Variants in WDPCP observed in about 807,000 individuals in gnomAD.
The protein encoded by WDPCP is WD repeat-containing and planar cell polarity effector protein fritz homolog.
A neutral mutation model predicts 93.1 loss-of-function variants in WDPCP; 71 were observed. That is an observed-to-expected ratio of 0.76 (90% CI 0.63 to 0.93). The LOEUF (loss-of-function observed/expected upper bound fraction) is 0.93, where lower values mean the gene tolerates loss of function less well. WDPCP is among the 40% of genes least tolerant of loss of function. The pLI, the probability that WDPCP is intolerant of heterozygous loss-of-function variation, is 0.00. For synonymous variants in WDPCP, 315 were observed against 315.0 expected, an observed-to-expected ratio of 1.00 and a Z score of 0.00; for missense variants, 844 against 887.4, an observed-to-expected ratio of 0.95 and a Z score of 0.62.
Position 63,404,567 on chromosome 2 carries a change from C to G in WDPCP, c.916G>C (p.Val306Leu), listed in dbSNP as rs761751600. 5 of 1,613,946 alleles carry G rather than the reference C, an allele frequency of 3.1e-6. No homozygotes were observed. Among genetic ancestry groups the G allele is most frequent in the Non-Finnish European group, 4.2e-6 (5 of 1,179,924 alleles). Residue 306 changes from valine (V) to leucine (L), a missense_variant, in exon 10 of 18, where the codon GTA (valine) becomes CTA (leucine). Coordinates refer to ENST00000272321, the MANE Select transcript of WDPCP (RefSeq NM_015910.7). ...GCCATGGGCTCTTTGTCTACACTTA[C>G]GGAGTGCTCCACTGTGAACACCTGA... ...PYQVFTVEHS[V>L]SVDKEPMADS...
chr2:63,486,478 A>C, intron 4 of WDPCP, 64 bp downstream of exon 4: 1 of 1,430,112 alleles, frequency 7.0e-7, no homozygotes, highest in Non-Finnish European at 9.6e-7. Context: ...GTTCCAGATG[A>C]ATATTTTATA....
intron 13 of WDPCP, among the ~76,000 whole-genome samples, chr2:63,283,668 G>A (rs1166229316): frequency 6.6e-5 from 10 of 152,174 alleles, no homozygotes; most frequent in South Asian, 2.1e-4. Context: ...ACAATAACAC[G>A]CTCAGGACAA....
intron 2 of WDPCP, among the ~76,000 whole-genome samples, chr2:63,698,896 T>C (rs1575750507): frequency 1.3e-5 from 2 of 152,294 alleles, no homozygotes; most frequent in Admixed American, 1.3e-4. Flanking sequence ...TCTGACAGGA[T>C]GCAGTTATAC....
chr2:63,322,251 T>A (rs578001768), intron 12 of WDPCP, among the ~76,000 whole-genome samples: 5 of 152,028 alleles, frequency 3.3e-5, no homozygotes, highest in Non-Finnish European at 7.3e-5. Context: ...CTCTGTAAAA[T>A]GGACCAATCA....
In WDPCP at chr2:63,485,092, G is replaced by A. The variant is rs879022572; in HGVS notation, c.254-105C>T. 67 of 1,157,344 alleles carry A rather than the reference G, an allele frequency of 5.8e-5. No individual in the cohort carries two copies. In the South Asian group the frequency reaches 7.6e-4, roughly 13 times the overall value. 71.7% of individuals were successfully genotyped at this position (1,157,344 alleles called of 1,614,324 possible). A position where few individuals can be genotyped will look rare whatever the true frequency, so the allele number is the denominator to read the frequency against. On this transcript the variant is annotated intron_variant, in intron 4 of 17. Transcript: ENST00000272321. ...ATTAAAATAAAACACCTCTATAATC[G>A]AGAGGAAGTGGGCTTCATTTCCATC...
intron 15 of WDPCP, among the ~76,000 whole-genome samples, chr2:63,157,070 A>C (rs1322419419): frequency 6.7e-6 from 1 of 148,802 alleles, no homozygotes; most frequent in Non-Finnish European, 1.5e-5. Context: ...TTTAATTATG[A>C]ATGGGTATGG....
intron 2 of WDPCP, among the ~76,000 whole-genome samples, chr2:63,762,187 AG>A (rs1670066186): frequency 6.6e-6 from 1 of 152,132 alleles, no homozygotes; most frequent in Non-Finnish European, 1.5e-5. Context: ...GCAGGAGAAG[AG>A]GTAAATGTGG....
intron 2 of WDPCP, among the ~76,000 whole-genome samples, chr2:63,706,926 T>A (rs558932013): frequency 6.6e-6 from 1 of 152,338 alleles, no homozygotes; most frequent in South Asian, 2.1e-4. Flanking sequence ...TTGAAAATTC[T>A]TTTCTTTAAG....
intron 6 of WDPCP, among the ~76,000 whole-genome samples, chr2:63,454,446 T>C (rs1448040255): frequency 6.6e-6 from 1 of 151,896 alleles, no homozygotes; most frequent in Non-Finnish European, 1.5e-5. Context: ...GGCACATGTA[T>C]ACCTGTGTAA....
chr2:63,136,389 GGA>G (rs57217973), intron 17 of WDPCP, among the ~76,000 whole-genome samples: 2,021 of 152,118 alleles, frequency 0.013, 41 homozygotes, highest in African/African-American at 0.045. Flanking sequence ...AGGGATTGAT[GGA>G]GAGAGTGAGA....
intron 9 of WDPCP, among the ~76,000 whole-genome samples, chr2:63,426,158 G>T (rs986681137): frequency 6.6e-6 from 1 of 152,178 alleles, no homozygotes; most frequent in African/African-American, 2.4e-5. Context: ...GGCCAATATG[G>T]TGAAACCCCA....
chr2:63,597,044 T>G (rs1344746461), intron 3 of WDPCP, among the ~76,000 whole-genome samples: 3 of 152,228 alleles, frequency 2.0e-5, no homozygotes, highest in Non-Finnish European at 2.9e-5. Flanking sequence ...AATTTAAAGG[T>G]TAGGTGAATT....
chr2:63,335,790 G>A (rs560044567), intron 12 of WDPCP, among the ~76,000 whole-genome samples: 21 of 152,196 alleles, frequency 1.4e-4, no homozygotes, highest in Non-Finnish European at 3.1e-4. Flanking sequence ...AACCCAGCAA[G>A]TTAAGGCATT....
At chr2:63,240,703 T>C (rs1679793832) in intron 14 of WDPCP, among the ~76,000 whole-genome samples, 1 of 152,184 alleles carries the variant, frequency 6.6e-6, no homozygotes, top group South Asian at 2.1e-4. Context: ...AAAATGTGAA[T>C]ACGGGTTATT....
upstream of WDPCP, among the ~76,000 whole-genome samples, chr2:63,829,768 C>T (rs950644028): frequency 2.0e-5 from 3 of 151,978 alleles, no homozygotes; most frequent in East Asian, 1.9e-4. Context: ...TTAGAATAAT[C>T]GTCTTGTGCA....
At chr2:63,368,146 A>C (rs1248255751) in intron 12 of WDPCP, among the ~76,000 whole-genome samples, 1 of 152,104 alleles carries the variant, frequency 6.6e-6, no homozygotes, top group Non-Finnish European at 1.5e-5. Context: ...GTGGGGAAGG[A>C]AAAGGAAAGA....
intron 1 of WDPCP, among the ~76,000 whole-genome samples, chr2:63,533,765 C>A (rs1704046006): frequency 2.0e-5 from 3 of 152,082 alleles, no homozygotes; most frequent in Admixed American, 2.0e-4. Flanking sequence ...CAGCAGAGAT[C>A]TAAAATCGAC....
chr2:63,195,083 CTT>C (rs1425529892), intron 14 of WDPCP, among the ~76,000 whole-genome samples: 1 of 152,022 alleles, frequency 6.6e-6, no homozygotes, highest in South Asian at 2.1e-4. Flanking sequence ...GATTAAATGA[CTT>C]AATCTTTACA....
chr2:63,536,013 C>T (rs1256085164), intron 1 of WDPCP, among the ~76,000 whole-genome samples: 2 of 152,116 alleles, frequency 1.3e-5, no homozygotes, highest in Non-Finnish European at 2.9e-5. Flanking sequence ...AACAAATTTA[C>T]AAGAAAAAGT....
Sources: allele counts gnomAD v4.1 joint callset (sites outside exome capture counted in the v4.1 genomes callset), GRCh38; gene constraint gnomAD v4.1.1; transcripts MANE v1.5; gene names NCBI Gene and HGNC (gene_info 2026-07-23, HGNC 2026-07-21).